Variants in TMEM30B observed in about 807,000 individuals in gnomAD.
The protein encoded by TMEM30B is cell cycle control protein 50B.
In TMEM30B, 25 loss-of-function variants were observed where a neutral mutation model predicts 27.9. The observed-to-expected ratio is 0.89, with a 90% confidence interval of 0.65 to 1.25. The LOEUF (loss-of-function observed/expected upper bound fraction) is 1.25. Among genes scored for constraint, TMEM30B ranks in the 50% most tolerant of loss-of-function variants. TMEM30B has a pLI of 0.00. For synonymous variants in TMEM30B, 248 were observed against 238.5 expected (o/e 1.04, Z -0.37); for missense variants, 536 against 506.5 (o/e 1.06, Z -0.56).
chr14:61,278,089 C>T lies in TMEM30B; in HGVS notation c.*2003G>A, dbSNP rs1183972053. The T allele has an allele frequency of 6.6e-6, 1 of 152,094 alleles. No homozygotes were observed. The highest frequency in any genetic ancestry group is 1.5e-5 in the Non-Finnish European group (1 of 68,008). 9.4% of individuals were successfully genotyped at this position (152,094 alleles called of 1,614,324 possible). A position where few individuals can be genotyped will look rare whatever the true frequency, so the allele number is the denominator to read the frequency against. ...CAGAATACTTTAACTTTCATAGTCT[C>T]ATTTAAAATTTTATAGCAATATACT... is the stretch of plus-strand genomic sequence containing the variant. On this transcript the variant is annotated 3_prime_UTR_variant, in exon 1 of 1. Coordinates refer to ENST00000555868, the MANE Select transcript of TMEM30B (RefSeq NM_001017970.3).
At position 61,281,055 on chromosome 14, in the gene TMEM30B, C is replaced by A; in HGVS notation, c.93G>T (p.Ser31=). ...QRLPAWQPLL[S]ASIALPLFFC... is the part of the protein sequence containing the mutation. The stretch of plus-strand genomic sequence containing the variant: ...AGAAGAGCGGCAGCGCGATGCTGGC[C>A]GACAGCAGCGGCTGCCAGGCGGGGA... Residue 31 remains serine, a synonymous_variant, in exon 1 of 1, where the codon TCG becomes TCT. Coordinates refer to ENST00000555868, the MANE Select transcript of TMEM30B (RefSeq NM_001017970.3). 1 of 1,521,798 alleles carries A rather than the reference C, an allele frequency of 6.6e-7. No individual in the cohort carries two copies. 94.3% of individuals were successfully genotyped at this position (1,521,798 alleles called of 1,614,324 possible). A position where few individuals can be genotyped will look rare whatever the true frequency, so the allele number is the denominator to read the frequency against.
At position 61,279,275 on chromosome 14, in the gene TMEM30B, TTTTTTAAAA is replaced by T. The variant is rs1482622578; in HGVS notation, c.*808_*816del. 1.3e-5 allele frequency: 2 copies of T among 152,238 alleles called. No individual in the cohort carries two copies. Among genetic ancestry groups the T allele is most frequent in the African/African-American group, 4.8e-5 (2 of 41,452 alleles). 9.4% of individuals were successfully genotyped at this position (152,238 alleles called of 1,614,324 possible). Reference sequence around the variant, plus strand: ...CCAACTAGTTTTCCCCAGATAGTAATTTTTTAAAAATTCATTCCACAAATCATCAAGAGC... The same window carrying T: ...CCAACTAGTTTTCCCCAGATAGTAATATTCATTCCACAAATCATCAAGAGC... On this transcript the variant is annotated 3_prime_UTR_variant, in exon 1 of 1. Coordinates refer to ENST00000555868, the MANE Select transcript of TMEM30B (RefSeq NM_001017970.3).
Position 61,280,068 on chromosome 14 carries a change from G to C in TMEM30B, c.*24C>G, listed in dbSNP as rs761089733. ...CTTGCAAGAGTTTTGGCAAGAAGCA[G>C]GAGGGATCCCTGGAAAGCCGGAATC... On this transcript the variant is annotated 3_prime_UTR_variant, in exon 1 of 1. Transcript: ENST00000555868. The surrounding 1 kb of genome is among the most constrained non-coding windows in gnomAD (Gnocchi z 5.0). 5 of 1,582,780 alleles carry C rather than the reference G, an allele frequency of 3.2e-6. No homozygotes were observed. The highest frequency in any genetic ancestry group is 4.3e-6 in the Non-Finnish European group (5 of 1,164,672).
At position 61,278,661 on chromosome 14, in the gene TMEM30B, G is replaced by A. The variant is rs1450079653; in HGVS notation, c.*1431C>T. On this transcript the variant is annotated 3_prime_UTR_variant, in exon 1 of 1. Transcript: ENST00000555868. ...CTGTTTGTTTTTACCAAATAAACTG[G>A]TAAGATGATATCACAAAGGGTTTTA... 6.6e-6 allele frequency: 1 copy of A among 152,086 alleles called. No homozygotes were observed. The highest frequency in any genetic ancestry group is 2.4e-5 in the African/African-American group (1 of 41,416). The allele number at this position is 152,086 out of a possible 1,614,324, so 9.4% of individuals were successfully genotyped here. A position where few individuals can be genotyped will look rare whatever the true frequency, so the allele number is the denominator to read the frequency against.
At position 61,280,903 on chromosome 14, in the gene TMEM30B, G is replaced by A; in HGVS notation, c.245C>T (p.Ala82Val). The A allele has an allele frequency of 6.5e-7, 1 of 1,547,532 alleles. No individual in the cohort carries two copies. The highest frequency in any genetic ancestry group is 8.7e-7 in the Non-Finnish European group (1 of 1,152,464). Residue 82 changes from alanine (A) to valine (V), a missense_variant, in exon 1 of 1, where the codon GCT (alanine) becomes GTT (valine). By Grantham distance (64) the Ala-to-Val change is moderately conservative (BLOSUM62 0). Transcript: ENST00000555868. This position sits in a 1 kb window ranked among gnomAD's most constrained non-coding sequence, Gnocchi z 5.0. ...GGGCGGCAGCGCCCGGCCCTGGCCA[G>A]CCGCGGCGCACACCGAGCAGTTACC... ...GTGNCSVCAA[A>V]GQGRALPPPC... is the part of the protein sequence containing the mutation.
In TMEM30B at chr14:61,280,973, C is replaced by T. The variant is rs1480676087; in HGVS notation, c.175G>A (p.Gly59Ser). The change falls in exon 1 of 1, where the codon GGC becomes AGC. Residue 59 changes from glycine (G) to serine (S), a missense_variant. Coordinates refer to ENST00000555868, the MANE Select transcript of TMEM30B (RefSeq NM_001017970.3). This position sits in a 1 kb window ranked among gnomAD's most constrained non-coding sequence, Gnocchi z 5.0. ...TAGTCGTACTCCAGCTCCTTGATGC[C>T]GTTGGAGGAGTAGTAGAGGCCCAGG... ...LGLGLYYSSN[G>S]IKELEYDYTG... 1.3e-6 allele frequency: 2 copies of T among 1,542,956 alleles called. No individual in the cohort carries two copies. The highest frequency in any genetic ancestry group is 1.7e-6 in the Non-Finnish European group (2 of 1,147,142).
At position 61,280,760 on chromosome 14, in the gene TMEM30B, C is replaced by T. The variant is rs1163202275; in HGVS notation, c.388G>A (p.Asp130Asn). ...NNRRYGVSRD[D>N]AQLSGLPSAL... ...CTGGGGAGTCCGCTCAGCTGCGCGT[C>T]GTCGCGGGACACGCCGTAGCGCCGG... is the stretch of plus-strand genomic sequence containing the variant. Residue 130 changes from aspartate (D) to asparagine (N), a missense_variant, in exon 1 of 1, where the codon GAC (aspartate) becomes AAC (asparagine). Coordinates refer to ENST00000555868, the MANE Select transcript of TMEM30B (RefSeq NM_001017970.3). The surrounding 1 kb of genome is among the most constrained non-coding windows in gnomAD (Gnocchi z 5.0). 1.9e-6 allele frequency: 3 copies of T among 1,559,016 alleles called. No homozygotes were observed. The highest frequency in any genetic ancestry group is 1.2e-5 in the South Asian group (1 of 83,832).
Position 61,280,324 on chromosome 14 carries a change from G to A in TMEM30B, c.824C>T (p.Ser275Leu). The A allele has an allele frequency of 1.1e-5, 18 of 1,613,872 alleles. No individual in the cohort carries two copies. The highest frequency in any genetic ancestry group is 1.5e-5 in the Non-Finnish European group (18 of 1,179,958). ...GTAGGCGCCCCGCGGCAGCCCGGCC[G>A]AGTAGTTGCCCTGGCGGATGCGCGC... ...LYARIRQGNY[S>L]AGLPRGAYRV... is the part of the protein sequence containing the mutation. The change falls in exon 1 of 1, where the codon TCG becomes TTG. Residue 275 changes from serine (S) to leucine (L), a missense_variant. Ser to Leu is a moderately radical substitution (Grantham distance 145, BLOSUM62 -2). Coordinates refer to ENST00000555868, the MANE Select transcript of TMEM30B (RefSeq NM_001017970.3). This position sits in a 1 kb window ranked among gnomAD's most constrained non-coding sequence, Gnocchi z 5.0.
rs138337766 is a variant in TMEM30B at position 61,280,758 on chromosome 14, G to A, written c.390C>T (p.Asp130=). Residue 130 remains aspartate, a synonymous_variant, in exon 1 of 1, where the codon GAC becomes GAT. Coordinates refer to ENST00000555868, the MANE Select transcript of TMEM30B (RefSeq NM_001017970.3). The surrounding 1 kb of genome is among the most constrained non-coding windows in gnomAD (Gnocchi z 5.0). ...CGCTGGGGAGTCCGCTCAGCTGCGC[G>A]TCGTCGCGGGACACGCCGTAGCGCC... ...NNRRYGVSRD[D]AQLSGLPSAL... 5.1e-6 allele frequency: 8 copies of A among 1,560,406 alleles called. No homozygotes were observed. The highest frequency in any genetic ancestry group is 4.1e-5 in the African/African-American group (3 of 73,860).
chr14:61,280,113 C>G lies in TMEM30B; in HGVS notation c.1035G>C (p.Gln345His). 1 of 1,612,812 alleles carries G rather than the reference C, an allele frequency of 6.2e-7. No individual in the cohort carries two copies. Among genetic ancestry groups the G allele is most frequent in the Non-Finnish European group, 8.5e-7 (1 of 1,179,398 alleles). The change falls in exon 1 of 1, where the codon CAG becomes CAC. Residue 345 changes from glutamine (Q) to histidine (H), a missense_variant. Gln to His is a conservative substitution (Grantham distance 24, BLOSUM62 0). Transcript: ENST00000555868. The surrounding 1 kb of genome is among the most constrained non-coding windows in gnomAD (Gnocchi z 5.0). ...MLVVYIRYQD[Q>H]DDDDEE is the part of the protein sequence containing the mutation. Reference sequence around the variant, plus strand: ...GGAATCACTCCTCGTCGTCGTCGTCCTGGTCCTGGTAGCGAATGTAGACGA... The same window carrying G: ...GGAATCACTCCTCGTCGTCGTCGTCGTGGTCCTGGTAGCGAATGTAGACGA...
At position 61,280,537 on chromosome 14, in the gene TMEM30B, A is replaced by G; in HGVS notation, c.611T>C (p.Val204Ala). 1 of 1,612,196 alleles carries G rather than the reference A, an allele frequency of 6.2e-7. No individual in the cohort carries two copies. The highest frequency in any genetic ancestry group is 8.5e-7 in the Non-Finnish European group (1 of 1,179,420). Residue 204 changes from valine (V) to alanine (A), a missense_variant, in exon 1 of 1, where the codon GTC becomes GCC. Transcript: ENST00000555868. This position sits in a 1 kb window ranked among gnomAD's most constrained non-coding sequence, Gnocchi z 5.0. ...SGIAWWTDYH[V>A]KFRNPPLVNG... The stretch of plus-strand genomic sequence containing the variant: ...GACCAGCGGCGGGTTGCGGAACTTG[A>G]CGTGGTAGTCGGTCCACCAGGCGAT...
rs780694173 is a variant in TMEM30B at position 61,280,657 on chromosome 14, G to C, written c.491C>G (p.Ala164Gly). ...GTCGTTGAAGAGGCTGTTGGCGATG[G>C]CGCCGCAGGGCGCGATGGGCAGGCC... ...AAGLPIAPCG[A>G]IANSLFNDSF... Residue 164 changes from alanine (A) to glycine (G), a missense_variant, in exon 1 of 1, where the codon GCC becomes GGC. By Grantham distance (60) the Ala-to-Gly change is moderately conservative. Transcript: ENST00000555868. The surrounding 1 kb of genome is among the most constrained non-coding windows in gnomAD (Gnocchi z 5.0). 3 of 1,570,392 alleles carry C rather than the reference G, an allele frequency of 1.9e-6. No individual in the cohort carries two copies. In the South Asian group the frequency reaches 3.5e-5, roughly 18 times the overall value.
chr14:61,280,016 C>G lies in TMEM30B; in HGVS notation c.*76G>C. 7.7e-7 allele frequency: 1 copy of G among 1,301,886 alleles called. No individual in the cohort carries two copies. Among genetic ancestry groups the G allele is most frequent in the South Asian group, 1.5e-5 (1 of 65,724 alleles). 80.6% of individuals were successfully genotyped at this position (1,301,886 alleles called of 1,614,324 possible). ...GCTAGGCGAGGTTGGAATTGGGTGA[C>G]GGGCGAGGAGGAGATGCCAAAAGCA... On this transcript the variant is annotated 3_prime_UTR_variant, in exon 1 of 1. Coordinates refer to ENST00000555868, the MANE Select transcript of TMEM30B (RefSeq NM_001017970.3). This position sits in a 1 kb window ranked among gnomAD's most constrained non-coding sequence, Gnocchi z 5.0.
In TMEM30B at chr14:61,280,137, G is replaced by C. The variant is rs1429978991; in HGVS notation, c.1011C>G (p.Val337=). 2 of 1,613,776 alleles carry C rather than the reference G, an allele frequency of 1.2e-6. No individual in the cohort carries two copies. Among genetic ancestry groups the C allele is most frequent in the Non-Finnish European group, 1.7e-6 (2 of 1,179,910 alleles). ...LCILTGFVML[V]VYIRYQDQDD... is the part of the protein sequence containing the mutation. ...CCTGGTCCTGGTAGCGAATGTAGAC[G>C]ACCAGCATGACAAAGCCGGTGAGGA... Residue 337 remains valine (V), a synonymous_variant, in exon 1 of 1, where the codon GTC becomes GTG. Coordinates refer to ENST00000555868, the MANE Select transcript of TMEM30B (RefSeq NM_001017970.3). The surrounding 1 kb of genome is among the most constrained non-coding windows in gnomAD (Gnocchi z 5.0).
Position 61,280,109 on chromosome 14 carries a change from C to A in TMEM30B, c.1039G>T (p.Asp347Tyr), listed in dbSNP as rs1400181985. 1 of 1,611,246 alleles carries A rather than the reference C, an allele frequency of 6.2e-7. No homozygotes were observed. Among genetic ancestry groups the A allele is most frequent in the Non-Finnish European group, 8.5e-7 (1 of 1,178,680 alleles). ...VVYIRYQDQD[D>Y]DDEE is the part of the protein sequence containing the mutation. ...AGCCGGAATCACTCCTCGTCGTCGT[C>A]GTCCTGGTCCTGGTAGCGAATGTAG... The change falls in exon 1 of 1, where the codon GAC becomes TAC. Residue 347 changes from aspartate (D) to tyrosine (Y), a missense_variant. Transcript: ENST00000555868. The surrounding 1 kb of genome is among the most constrained non-coding windows in gnomAD (Gnocchi z 5.0).
At position 61,281,097 on chromosome 14, in the gene TMEM30B, G is replaced by C; in HGVS notation, c.51C>G (p.Ala17=). Residue 17 remains alanine, a synonymous_variant, in exon 1 of 1, where the codon GCC becomes GCG. Coordinates refer to ENST00000555868, the MANE Select transcript of TMEM30B (RefSeq NM_001017970.3). ...AGGCGGGGAGGCGCTGCTGAGTGAA[G>C]GCGGTGTTGTCGGGCTGGTGGGCGC... ...ARGAHQPDNT[A]FTQQRLPAWQ... 1 of 1,489,366 alleles carries C rather than the reference G, an allele frequency of 6.7e-7. No homozygotes were observed. The highest frequency in any genetic ancestry group is 8.9e-7 in the Non-Finnish European group (1 of 1,123,080). 92.3% of individuals were successfully genotyped at this position (1,489,366 alleles called of 1,614,324 possible). A position where few individuals can be genotyped will look rare whatever the true frequency, so the allele number is the denominator to read the frequency against.
Position 61,280,743 on chromosome 14 carries a change from T to A in TMEM30B, c.405A>T (p.Gly135=), listed in dbSNP as rs1205827805. ...CAGGGTGGCGCAGCGCGCTGGGGAG[T>A]CCGCTCAGCTGCGCGTCGTCGCGGG... ...GVSRDDAQLS[G]LPSALRHPVN... Residue 135 remains glycine, a synonymous_variant, in exon 1 of 1, where the codon GGA becomes GGT. Transcript: ENST00000555868. This position sits in a 1 kb window ranked among gnomAD's most constrained non-coding sequence, Gnocchi z 5.0. The A allele has an allele frequency of 1.9e-6, 3 of 1,569,308 alleles. No homozygotes were observed. The highest frequency in any genetic ancestry group is 1.8e-5 in the Admixed American group (1 of 54,204).
In TMEM30B at chr14:61,281,092, G is replaced by T. The variant is rs201198158; in HGVS notation, c.56C>A (p.Thr19Asn). 9.3e-4 allele frequency: 1,387 copies of T among 1,497,288 alleles called. 12 individuals are homozygous for T. In the African/African-American group the frequency reaches 0.018, roughly 20 times the overall value. 92.8% of individuals were successfully genotyped at this position (1,497,288 alleles called of 1,614,324 possible). A position where few individuals can be genotyped will look rare whatever the true frequency, so the allele number is the denominator to read the frequency against. The change falls in exon 1 of 1, where the codon ACT (threonine) becomes AAT (asparagine). Residue 19 changes from threonine (T) to asparagine (N), a missense_variant. By Grantham distance (65) the Thr-to-Asn change is moderately conservative. Transcript: ENST00000555868. ...CTGCCAGGCGGGGAGGCGCTGCTGA[G>T]TGAAGGCGGTGTTGTCGGGCTGGTG... ...GAHQPDNTAF[T>N]QQRLPAWQPL...
chr14:61,279,481 T>C lies in TMEM30B; in HGVS notation c.*611A>G, dbSNP rs1279145520. Reference sequence around the variant, plus strand: ...GGAATATGGGACTCTCCAGTGGAGTTTGTTAAAACACAGCTTCGAGGATCT... The same window carrying C: ...GGAATATGGGACTCTCCAGTGGAGTCTGTTAAAACACAGCTTCGAGGATCT... On this transcript the variant is annotated 3_prime_UTR_variant, in exon 1 of 1. Transcript: ENST00000555868. 3 of 152,316 alleles carry C rather than the reference T, an allele frequency of 2.0e-5. No individual in the cohort carries two copies. Among genetic ancestry groups the C allele is most frequent in the Admixed American group, 6.5e-5 (1 of 15,286 alleles). 9.4% of individuals were successfully genotyped at this position (152,316 alleles called of 1,614,324 possible).
Sources: allele counts gnomAD v4.1 joint callset, GRCh38; gene constraint gnomAD v4.1.1; non-coding constraint Gnocchi (gnomAD v3.1); transcripts MANE v1.5; gene names NCBI Gene and HGNC (gene_info 2026-07-23, HGNC 2026-07-21).